RIN3: variants seen among roughly 807,000 people sequenced by gnomAD.
RIN3 encodes RAB5 interacting protein 3.
Under a neutral mutation model 76.3 loss-of-function variants are expected in RIN3, and 54 were observed. That is an observed-to-expected ratio of 0.71 (90% CI 0.57 to 0.89). The LOEUF is 0.89. Among genes scored for constraint, RIN3 ranks in the 40% least tolerant of loss-of-function variants. The pLI is 0.00. For synonymous variants in RIN3, 576 were observed against 564.0 expected, an observed-to-expected ratio of 1.02 and a Z score of -0.30; for missense variants, 1,256 against 1,322.1, an observed-to-expected ratio of 0.95 and a Z score of 0.78.
intron 3 of RIN3, among the ~76,000 whole-genome samples, chr14:92,589,144 G>T (rs1359911668): frequency 6.6e-6 from 1 of 152,122 alleles, no homozygotes; most frequent in East Asian, 1.9e-4. Flanking sequence ...TCTCCAGGTT[G>T]TCACAGTGCA....
chr14:92,597,718 C>T (rs1280454460), intron 3 of RIN3, among the ~76,000 whole-genome samples: 2 of 152,132 alleles, frequency 1.3e-5, no homozygotes, highest in African/African-American at 4.8e-5. Flanking sequence ...GGTCTTAGGA[C>T]TCCAGCTGGA....
At chr14:92,606,162 AAGAG>A (rs1315995213) in intron 3 of RIN3, among the ~76,000 whole-genome samples, 1 of 151,446 alleles carries the variant, frequency 6.6e-6, no homozygotes, top group Admixed American at 6.6e-5. Flanking sequence ...AAAAAAAAAA[AAGAG>A]GACAAAAAGA....
intron 6 of RIN3, among the ~76,000 whole-genome samples, chr14:92,653,475 G>A (rs550351480): frequency 3.9e-5 from 6 of 152,178 alleles, no homozygotes; most frequent in African/African-American, 9.6e-5. Flanking sequence ...CTCGCTCTGC[G>A]GCTTCCCACT....
chr14:92,556,073 A>G, intron 2 of RIN3, 118 bp downstream of exon 2: 1 of 816,478 alleles, frequency 1.2e-6, no homozygotes, highest in Non-Finnish European at 1.9e-6. Flanking sequence ...CTGCATGTTT[A>G]TTTCCCTTTC....
At chr14:92,682,753 A>C (rs1388179409) in intron 8 of RIN3, among the ~76,000 whole-genome samples, 1 of 152,230 alleles carries the variant, frequency 6.6e-6, no homozygotes, top group Non-Finnish European at 1.5e-5. Flanking sequence ...GCTGCAAGGG[A>C]GTCAGGGAAG....
At chr14:92,653,203 CA>C (rs1887539833) in intron 6 of RIN3, 128 bp downstream of exon 6, 1 of 1,008,716 alleles carries the variant, frequency 9.9e-7, no homozygotes, top group Non-Finnish European at 1.4e-6. Flanking sequence ...CCTTCCTGGG[CA>C]CCAGGAACTT....
chr14:92,553,456 A>G (rs1179037105), intron 1 of RIN3, among the ~76,000 whole-genome samples: 1 of 152,086 alleles, frequency 6.6e-6, no homozygotes, highest in Non-Finnish European at 1.5e-5. Flanking sequence ...TTGCATCAGT[A>G]TCAGCCAGGC....
intron 5 of RIN3, among the ~76,000 whole-genome samples, chr14:92,646,146 C>A (rs1281204252): frequency 6.6e-6 from 1 of 152,164 alleles, no homozygotes; most frequent in Non-Finnish European, 1.5e-5. Flanking sequence ...TAAACAAAAG[C>A]TGAATTCATA....
rs149366816 is a variant in RIN3 at position 92,532,550 on chromosome 14, C to G, written c.44+18574C>G. On this transcript the variant is annotated intron_variant, in intron 1 of 9. Coordinates refer to ENST00000216487, the MANE Select transcript of RIN3 (RefSeq NM_024832.5). ...TCCCCTTCTGGGGGAAGTTATTTAC[C>G]ATGGTGCAACTCCTCCCCTCTCCCT... Among the ~76,000 whole-genome samples, 1,374 of 152,276 alleles carry G rather than the reference C, an allele frequency of 9.0e-3. 20 individuals carry two copies. Among genetic ancestry groups the G allele is most frequent in the African/African-American group, 0.03 (1,266 of 41,550 alleles).
At chr14:92,633,856 G>GGTGTGTGT (rs33912278) in intron 4 of RIN3, among the ~76,000 whole-genome samples, 11 of 146,836 alleles carry the variant, frequency 7.5e-5, no homozygotes, top group Non-Finnish European at 1.2e-4. Flanking sequence ...TTGTTTTAGT[G>GGTGTGTGT]GTGTGTGTGT....
At chr14:92,526,121 G>A (rs113484094) in intron 1 of RIN3, among the ~76,000 whole-genome samples, 2,740 of 152,212 alleles carry the variant, frequency 0.018, 97 homozygotes, top group African/African-American at 0.062. Flanking sequence ...TATCCTGAAG[G>A]CAATGGAGAC....
chr14:92,575,554 G>A (rs1050331215), intron 2 of RIN3, among the ~76,000 whole-genome samples: 1 of 152,128 alleles, frequency 6.6e-6, no homozygotes, highest in African/African-American at 2.4e-5. Flanking sequence ...CCAGGAAAGG[G>A]GTGGGCAATT....
At chr14:92,684,544 C>T (rs1013222341) in intron 8 of RIN3, among the ~76,000 whole-genome samples, 2 of 152,066 alleles carry the variant, frequency 1.3e-5, no homozygotes, top group Non-Finnish European at 2.9e-5. Flanking sequence ...TTCACACCAT[C>T]ATGAAGTCAA....
chr14:92,656,975 A>G lies in RIN3; in HGVS notation c.2027-2186A>G, dbSNP rs1887694010. Among the ~76,000 whole-genome samples the G allele has an allele frequency of 6.6e-6, 1 of 152,194 alleles. No homozygotes were observed. Among genetic ancestry groups the G allele is most frequent in the Non-Finnish European group, 1.5e-5 (1 of 68,020 alleles). On this transcript the variant is annotated intron_variant, in intron 6 of 9. Coordinates refer to ENST00000216487, the MANE Select transcript of RIN3 (RefSeq NM_024832.5). The surrounding 1 kb of genome is among the most constrained non-coding windows in gnomAD (Gnocchi z 5.2). Reference sequence around the variant, plus strand: ...AGACCCAGGCAGCCCAGCCCTTTCCATGAGCTGAGTCTCTGCCTCTGCCTC... The same window carrying G: ...AGACCCAGGCAGCCCAGCCCTTTCCGTGAGCTGAGTCTCTGCCTCTGCCTC...
intron 3 of RIN3, among the ~76,000 whole-genome samples, chr14:92,585,296 A>G (rs1884729200): frequency 6.6e-6 from 1 of 152,162 alleles, no homozygotes; most frequent in Non-Finnish European, 1.5e-5. Flanking sequence ...TCTTTCTAGG[A>G]TAATGGGTCA....
At chr14:92,516,038 C>G (rs932592712) in intron 1 of RIN3, among the ~76,000 whole-genome samples, 1 of 152,120 alleles carries the variant, frequency 6.6e-6, no homozygotes, top group African/African-American at 2.4e-5. Context: ...AGAGTCCACT[C>G]AGGCCAGTAG....
intron 4 of RIN3, among the ~76,000 whole-genome samples, chr14:92,629,419 G>A (rs1294803773): frequency 6.6e-6 from 1 of 152,222 alleles, no homozygotes; most frequent in Non-Finnish European, 1.5e-5. Flanking sequence ...AGGGCCTCAA[G>A]GGCACCGTTA....
intron 3 of RIN3, among the ~76,000 whole-genome samples, chr14:92,609,504 A>G (rs114366743): frequency 7.1e-4 from 108 of 152,274 alleles, no homozygotes; most frequent in African/African-American, 2.5e-3. Context: ...ACTCAGCGTG[A>G]CAAGTCTCAG....
intron 1 of RIN3, among the ~76,000 whole-genome samples, chr14:92,535,647 G>T (rs1051994072): frequency 6.9e-6 from 1 of 144,520 alleles, no homozygotes; most frequent in South Asian, 2.2e-4. Flanking sequence ...TTTAAATTAG[G>T]ACACAGTCTA....
Sources: gnomAD v4.1 joint callset for allele counts (sites outside exome capture counted in the v4.1 genomes callset) on GRCh38, gnomAD v4.1.1 for gene constraint, Gnocchi (gnomAD v3.1) non-coding constraint, MANE v1.5 for transcripts, NCBI Gene and HGNC (gene_info 2026-07-23, HGNC 2026-07-21) for gene names.